The following AGAP1 variants were observed in gnomAD, a reference collection of about 807,000 sequenced individuals.
AGAP1 encodes the protein ArfGAP with GTPase domain, ankyrin repeat and PH domain 1.
In AGAP1, 29 loss-of-function variants were observed where a neutral mutation model predicts 105.3. The observed-to-expected ratio is 0.28, with a 90% confidence interval of 0.21 to 0.38. The LOEUF is 0.38. Ranked by LOEUF, AGAP1 falls within the 10% of genes least tolerant of loss-of-function variation. AGAP1 has a pLI of 1.00. For missense variants in AGAP1, 998 were observed against 1,165.1 expected, an observed-to-expected ratio of 0.86 and a Z score of 2.09; for synonymous variants, 509 against 485.9, an observed-to-expected ratio of 1.05 and a Z score of -0.63.
chr2:235,707,658 G>A (rs192553295), intron 1 of AGAP1, among the ~76,000 whole-genome samples: 4 of 72,444 alleles, frequency 5.5e-5, no homozygotes, highest in Non-Finnish European at 1.5e-4. Context: ...GATGGGTTGT[G>A]CTCCCCCGGC....
In AGAP1 at chr2:235,542,217, C is replaced by CGG. The variant is rs142742528; in HGVS notation, c.163+47376_163+47377dup. On this transcript the variant is annotated intron_variant, in intron 1 of 17. Coordinates refer to ENST00000304032, the MANE Select transcript of AGAP1 (RefSeq NM_001037131.3). Reference sequence around the variant, plus strand: ...AAAGTGCAGTTCAGACAGTGGGTCCCGGGGGGGGGCCAGTTGTCAGAGAGC... The same window carrying CGG: ...AAAGTGCAGTTCAGACAGTGGGTCCCGGGGGGGGGGGCCAGTTGTCAGAGAGC... Among the ~76,000 whole-genome samples the CGG allele has an allele frequency of 4.4e-3, 657 of 149,102 alleles. 5 individuals carry two copies. The highest frequency in any genetic ancestry group is 0.019 in the East Asian group (95 of 4,990).
In AGAP1 at chr2:235,930,918, G is replaced by C. The variant is rs2052692549; in HGVS notation, c.1478G>C (p.Ser493Thr). 6.2e-7 allele frequency: 1 copy of C among 1,613,544 alleles called. No homozygotes were observed. Residue 493 changes from serine to threonine, a missense_variant, in exon 12 of 18, where the codon AGC becomes ACC. Around this residue, in one of 3 missense-constraint regions of AGAP1, gnomAD observed 735 missense variants for 833.4 expected, o/e 0.88. Transcript: ENST00000304032. The surrounding 1 kb of genome is among the most constrained non-coding windows in gnomAD (Gnocchi z 7.9). The part of the protein sequence containing the change: ...EATVIANSAI[S>T]SDTGLGDSVC... ...ACGGTCATTGCAAACTCGGCCATCA[G>C]CAGTGGTAAGAGGGGGCTCAGCCCC...
intron 1 of AGAP1, among the ~76,000 whole-genome samples, chr2:235,495,608 C>T (rs1177106265): frequency 1.3e-5 from 2 of 152,234 alleles, no homozygotes; most frequent in Admixed American, 6.5e-5. Flanking sequence ...AATCCCCACC[C>T]GCTTCCCTCT....
intron 1 of AGAP1, among the ~76,000 whole-genome samples, chr2:235,627,192 G>GCTT (rs765510750): frequency 1.0e-5 from 1 of 95,556 alleles, no homozygotes; most frequent in African/African-American, 4.5e-5. Context: ...CTGTTTTGAG[G>GCTT]TTTTTTTTTT....
At chr2:235,686,703 CCAGGATGGAGCG>C (rs1949468127) in intron 1 of AGAP1, among the ~76,000 whole-genome samples, 1 of 135,496 alleles carries the variant, frequency 7.4e-6, no homozygotes, top group African/African-American at 2.8e-5. Context: ...GCTCTGAAGC[CCAGGATGGAGCG>C]CAGTGGCGTG....
chr2:236,075,899 G>T (rs1039590399), intron 16 of AGAP1, among the ~76,000 whole-genome samples: 2 of 152,244 alleles, frequency 1.3e-5, no homozygotes, highest in African/African-American at 4.8e-5. Context: ...AGAGGAAGCA[G>T]CAGAAGTTCC....
intron 6 of AGAP1, among the ~76,000 whole-genome samples, chr2:235,765,515 A>G (rs1384016691): frequency 2.0e-5 from 3 of 152,192 alleles, no homozygotes; most frequent in Non-Finnish European, 1.5e-5. Context: ...TTGGGGGCTC[A>G]TCGGCTCACT....
Position 235,723,125 on chromosome 2 carries a change from G to A in AGAP1, c.310+5481G>A, listed in dbSNP as rs541751291. 7.4e-4 allele frequency among the ~76,000 whole-genome samples: 113 copies of A among 152,190 alleles called. No homozygotes were observed. The highest frequency in any genetic ancestry group is 2.0e-3 in the Admixed American group (30 of 15,286). On this transcript the variant is annotated intron_variant, in intron 3 of 17. Coordinates refer to ENST00000304032, the MANE Select transcript of AGAP1 (RefSeq NM_001037131.3). The surrounding 1 kb of genome is among the most constrained non-coding windows in gnomAD (Gnocchi z 6.2). ...TTCTAGAACCTCACAAGGACTCATC[G>A]GCTGGCAGTGACCTTCACACCTCTG...
At chr2:236,047,171 C>T (rs76323164) in intron 15 of AGAP1, among the ~76,000 whole-genome samples, 11,751 of 152,156 alleles carry the variant, frequency 0.077, 498 homozygotes, top group East Asian at 0.2. Context: ...CACAAGAGGC[C>T]GAGTGAAACG....
intron 12 of AGAP1, among the ~76,000 whole-genome samples, chr2:235,933,570 A>G (rs138468589): frequency 0.01 from 1,412 of 139,700 alleles, 26 homozygotes; most frequent in African/African-American, 0.032. Flanking sequence ...GTCTTGCTCT[A>G]TTGGCAGGCT....
Position 235,882,970 on chromosome 2 carries a change from G to A in AGAP1, c.1051-375G>A, listed in dbSNP as rs2050105748. ...TGGGATTACAGAAGCACACCACCGT[G>A]CCCAGCTAATTTTATTTATTTATTT... On this transcript the variant is annotated intron_variant, in intron 9 of 17. Transcript: ENST00000304032. The surrounding 1 kb of genome is among the most constrained non-coding windows in gnomAD (Gnocchi z 4.6). Among the ~76,000 whole-genome samples, 1 of 152,020 alleles carries A rather than the reference G, an allele frequency of 6.6e-6. No individual in the cohort carries two copies. Among genetic ancestry groups the A allele is most frequent in the Admixed American group, 6.6e-5 (1 of 15,250 alleles).
intron 1 of AGAP1, among the ~76,000 whole-genome samples, chr2:235,504,134 G>A (rs1338083792): frequency 1.3e-5 from 2 of 151,770 alleles, no homozygotes; most frequent in African/African-American, 2.4e-5. Context: ...GAGCCACCAC[G>A]CCCAGCCTCG....
At chr2:235,980,412 A>G (rs2055043172) in intron 13 of AGAP1, among the ~76,000 whole-genome samples, 2 of 152,324 alleles carry the variant, frequency 1.3e-5, no homozygotes, top group Admixed American at 1.3e-4. Context: ...AAATGGACAT[A>G]TTAGCCATTG....
Position 236,124,005 on chromosome 2 carries a change from C to T in AGAP1, c.2457C>T (p.Asp819=), listed in dbSNP as rs2059962763. The change falls in exon 18 of 18, where the codon GAC becomes GAT. Residue 819 remains aspartate, a synonymous_variant. Coordinates refer to ENST00000304032, the MANE Select transcript of AGAP1 (RefSeq NM_001037131.3). The surrounding 1 kb of genome is among the most constrained non-coding windows in gnomAD (Gnocchi z 5.1). ...ARQASSQECI[D]VLLQYGCPDE... Reference sequence around the variant, plus strand: ...AGGCCTCCAGCCAGGAGTGCATCGACGTGCTGCTGCAGTACGGCTGCCCCG... The same window carrying T: ...AGGCCTCCAGCCAGGAGTGCATCGATGTGCTGCTGCAGTACGGCTGCCCCG... 2.5e-6 allele frequency: 4 copies of T among 1,614,070 alleles called. No individual in the cohort carries two copies. The highest frequency in any genetic ancestry group is 3.4e-6 in the Non-Finnish European group (4 of 1,180,022).
rs1002302463 is a variant in AGAP1, at chr2:236,061,060, C to G, written c.2114+11779C>G. Among the ~76,000 whole-genome samples the G allele has an allele frequency of 5.3e-5, 8 of 152,030 alleles. No homozygotes were observed. Among genetic ancestry groups the G allele is most frequent in the African/African-American group, 1.7e-4 (7 of 41,374 alleles). On this transcript the variant is annotated intron_variant, in intron 16 of 17. Coordinates refer to ENST00000304032, the MANE Select transcript of AGAP1 (RefSeq NM_001037131.3). The surrounding 1 kb of genome is among the most constrained non-coding windows in gnomAD (Gnocchi z 4.1). ...CCTGGATAACAGAACAAGACCTCGTCTGAAAAATAAAATAAGTAAAAAATA... is the reference window on the plus strand; with the variant it reads ...CCTGGATAACAGAACAAGACCTCGTGTGAAAAATAAAATAAGTAAAAAATA...
chr2:235,882,567 A>G lies in AGAP1; in HGVS notation c.1051-778A>G. On this transcript the variant is annotated intron_variant, in intron 9 of 17. Coordinates refer to ENST00000304032, the MANE Select transcript of AGAP1 (RefSeq NM_001037131.3). The surrounding 1 kb of genome is among the most constrained non-coding windows in gnomAD (Gnocchi z 4.6). The stretch of plus-strand genomic sequence containing the variant: ...AACACTCTGCCTCCTGGGTTCAAGC[A>G]ATTCCCCTGCTCAGCCTCCCCGAGT... The G allele has an allele frequency of 1.5e-6, 1 of 669,456 alleles. No homozygotes were observed. The highest frequency in any genetic ancestry group is 2.5e-6 in the Non-Finnish European group (1 of 400,942). The allele number at this position is 669,456 out of a possible 1,614,324, so 41.5% of individuals were successfully genotyped here.
In AGAP1 at chr2:235,747,740, G is replaced by A. The variant is rs989782137; in HGVS notation, c.539-2614G>A. Reference sequence around the variant, plus strand: ...CTCTCCGTGAAGCCCGTGCTCGGCTGCTCTTTCAGGGGTTTGGCTTCCTGG... The same window carrying A: ...CTCTCCGTGAAGCCCGTGCTCGGCTACTCTTTCAGGGGTTTGGCTTCCTGG... On this transcript the variant is annotated intron_variant, in intron 5 of 17. Transcript: ENST00000304032. The surrounding 1 kb of genome is among the most constrained non-coding windows in gnomAD (Gnocchi z 5.0). 1.3e-5 allele frequency among the ~76,000 whole-genome samples: 2 copies of A among 152,244 alleles called. No homozygotes were observed. The highest frequency in any genetic ancestry group is 2.9e-5 in the Non-Finnish European group (2 of 68,038).
rs1435097189 is a variant in AGAP1 at position 235,704,962 on chromosome 2, CTTTTTTCTT to C, written c.164-4210_164-4202del. ...AACGTCGATTGTAAAATACAAGATG[CTTTTTTCTT>C]TTTTTTTTTTTTTTTTTTTTTTTTT... On this transcript the variant is annotated intron_variant, in intron 1 of 17. Transcript: ENST00000304032. 9.2e-3 allele frequency among the ~76,000 whole-genome samples: 789 copies of C among 85,948 alleles called. 133 individuals are homozygous for C. Among genetic ancestry groups the C allele is most frequent in the South Asian group, 0.018 (34 of 1,866 alleles). 56.4% of individuals were successfully genotyped at this position (85,948 alleles called of 152,430 possible).
intron 1 of AGAP1, among the ~76,000 whole-genome samples, chr2:235,684,334 G>A (rs550933750): frequency 2.2e-4 from 33 of 152,258 alleles, no homozygotes; most frequent in Admixed American, 1.3e-3. Flanking sequence ...GTGAACCACC[G>A]CACCTGGCCA....
Sources: allele counts gnomAD v4.1 joint callset (sites outside exome capture counted in the v4.1 genomes callset), GRCh38; gene constraint gnomAD v4.1.1; regional missense constraint gnomAD v4.1.1; non-coding constraint Gnocchi (gnomAD v3.1); transcripts MANE v1.5; gene names NCBI Gene and HGNC (gene_info 2026-07-23, HGNC 2026-07-21).